Variants in ELOC observed in about 807,000 individuals in gnomAD.
ELOC encodes the protein elongin C.
For missense variants in ELOC, 38 were observed against 139.0 expected (o/e 0.27, Z 3.65); for synonymous variants, 40 against 51.3 (o/e 0.78, Z 0.94).
At position 73,946,735 on chromosome 8, in the gene ELOC, C is replaced by A. The variant is rs370518034; in HGVS notation, c.234G>T (p.Thr78=). Residue 78 remains threonine, a synonymous_variant, in exon 4 of 4, where the codon ACG becomes ACT. Transcript: ENST00000520242. ...HVLSKVCMYF[T]YKVRYTNSST... ...AGCTGTTAGTGTAGCGAACCTTGTA[C>A]GTAAAATACATGCATACTTTCGATA... is the stretch of plus-strand genomic sequence containing the variant. 23 of 1,613,068 alleles carry A rather than the reference C, an allele frequency of 1.4e-5. No homozygotes were observed. The highest frequency in any genetic ancestry group is 1.8e-5 in the Non-Finnish European group (21 of 1,179,662).
In ELOC at chr8:73,946,524, T is replaced by C. The variant is rs534585318; in HGVS notation, c.*106A>G. ...AATCTGCTTTGCAATGAACTTTATA[T>C]AGTTCAACTGCATACAGGCAACATG... On this transcript the variant is annotated 3_prime_UTR_variant, in exon 4 of 4. Transcript: ENST00000520242. The C allele has an allele frequency of 4.8e-6, 4 of 834,038 alleles. No homozygotes were observed. Among genetic ancestry groups the C allele is most frequent in the South Asian group, 2.6e-5 (1 of 37,960 alleles). 51.7% of individuals were successfully genotyped at this position (834,038 alleles called of 1,614,324 possible). A position where few individuals can be genotyped will look rare whatever the true frequency, so the allele number is the denominator to read the frequency against.
At chr8:73,971,599 A>AC (rs958131779) in intron 1 of ELOC, among the ~76,000 whole-genome samples, 10 of 151,842 alleles carry the variant, frequency 6.6e-5, no homozygotes, top group African/African-American at 2.4e-4. Flanking sequence ...GATGCACGAT[A>AC]CCCCCAACTC....
chr8:73,966,488 CTT>C (rs35152858), intron 1 of ELOC, among the ~76,000 whole-genome samples: 25,998 of 141,970 alleles, frequency 0.18, 2,644 homozygotes, highest in Middle Eastern at 0.31. Flanking sequence ...AGCCATGGGT[CTT>C]TTTTTTTTTT....
chr8:73,959,669 C>T (rs905311286), intron 2 of ELOC, 96 bp downstream of exon 2: 3 of 1,077,504 alleles, frequency 2.8e-6, no homozygotes, highest in Non-Finnish European at 4.0e-6. Context: ...TTTCAGTCTA[C>T]TGAAATTTTA....
chr8:73,948,430 C>T (rs1813525094), intron 3 of ELOC, among the ~76,000 whole-genome samples: 1 of 151,902 alleles, frequency 6.6e-6, no homozygotes, highest in African/African-American at 2.4e-5. Context: ...AAAGTCAGGG[C>T]AAATAACAGG....
chr8:73,948,004 C>T (rs921431930), intron 3 of ELOC, among the ~76,000 whole-genome samples: 2 of 152,038 alleles, frequency 1.3e-5, no homozygotes, highest in Non-Finnish European at 2.9e-5. Flanking sequence ...AGCAGCCTGA[C>T]TAACATAGTG....
intron 3 of ELOC, among the ~76,000 whole-genome samples, chr8:73,950,076 T>C (rs1813643522): frequency 6.6e-6 from 1 of 152,132 alleles, no homozygotes; most frequent in South Asian, 2.1e-4. Context: ...TAAATACCAT[T>C]TTCTACTAAA....
chr8:73,959,707 T>C (rs1814463085), intron 2 of ELOC, 58 bp downstream of exon 2: 4 of 1,446,238 alleles, frequency 2.8e-6, no homozygotes, highest in Admixed American at 2.4e-5. Flanking sequence ...TTAAAGATCT[T>C]TGAAACAAAG....
At chr8:73,966,488 C>CT (rs35152858) in intron 1 of ELOC, among the ~76,000 whole-genome samples, 114 of 142,210 alleles carry the variant, frequency 8.0e-4, no homozygotes, top group East Asian at 5.6e-3. Flanking sequence ...AGCCATGGGT[C>CT]TTTTTTTTTT....
chr8:73,945,730 T>A lies in ELOC; in HGVS notation c.*900A>T, dbSNP rs1813342737. The A allele has an allele frequency of 6.6e-6, 1 of 152,058 alleles. No homozygotes were observed. 9.4% of individuals were successfully genotyped at this position (152,058 alleles called of 1,614,324 possible). A position where few individuals can be genotyped will look rare whatever the true frequency, so the allele number is the denominator to read the frequency against. On this transcript the variant is annotated 3_prime_UTR_variant, in exon 4 of 4. Transcript: ENST00000520242. ...ATGATTTTCACTGTATCTCTTCACA[T>A]GTTATTCCATAACATTCTAATTGGA...
Position 73,970,376 on chromosome 8 carries a change from T to C in ELOC, c.-51+1701A>G, listed in dbSNP as rs143073180. Among the ~76,000 whole-genome samples, 32 of 152,368 alleles carry C rather than the reference T, an allele frequency of 2.1e-4. No individual in the cohort carries two copies. In the East Asian group the frequency reaches 6.2e-3, roughly 29 times the overall value. ...TTAAATATCACTTTAGAACTTGATG[T>C]ATAGGACTGACTATAACTTCTGGCT... On this transcript the variant is annotated intron_variant, in intron 1 of 3. Transcript: ENST00000520242.
Position 73,946,719 on chromosome 8 carries a change from T to C in ELOC, c.250A>G (p.Thr84Ala). The C allele has an allele frequency of 6.2e-7, 1 of 1,604,384 alleles. No homozygotes were observed. Among genetic ancestry groups the C allele is most frequent in the Non-Finnish European group, 8.5e-7 (1 of 1,175,358 alleles). ...CMYFTYKVRY[T>A]NSSTEIPEFP... ...TCAGGAATCTCGGTGGAGCTGTTAG[T>C]GTAGCGAACCTTGTACGTAAAATAC... Residue 84 changes from threonine (T) to alanine (A), a missense_variant, in exon 4 of 4, where the codon ACT becomes GCT. Physicochemically the swap from Thr to Ala is moderately conservative, Grantham distance 58 (BLOSUM62 0). Transcript: ENST00000520242.
intron 2 of ELOC, among the ~76,000 whole-genome samples, chr8:73,956,918 G>T (rs1586604490): frequency 1.3e-5 from 2 of 152,136 alleles, no homozygotes; most frequent in East Asian, 3.8e-4. Flanking sequence ...AAGGCGGGTG[G>T]ATCACGACGT....
rs148671864 is a variant in ELOC, at chr8:73,968,497, A to T, written c.-51+3580T>A. On this transcript the variant is annotated intron_variant, in intron 1 of 3. Coordinates refer to ENST00000520242, the MANE Select transcript of ELOC (RefSeq NM_005648.4). ...TTAAAATTATAAGCAGATATTCCCAACATATAATGTGTATTAATCATAGAT... is the reference window on the plus strand; with the variant it reads ...TTAAAATTATAAGCAGATATTCCCATCATATAATGTGTATTAATCATAGAT... 3.3e-5 allele frequency among the ~76,000 whole-genome samples: 5 copies of T among 152,340 alleles called. No individual in the cohort carries two copies. The East Asian group carries it at 9.6e-4, about 29-fold the overall frequency.
chr8:73,969,064 A>G (rs989644464), intron 1 of ELOC, among the ~76,000 whole-genome samples: 1 of 152,222 alleles, frequency 6.6e-6, no homozygotes, highest in Non-Finnish European at 1.5e-5. Context: ...GTTATCATCT[A>G]TAAAATATGA....
At chr8:73,955,035 GAAAAAAAAAAAA>G (rs34453392) in intron 3 of ELOC, among the ~76,000 whole-genome samples, 2 of 62,992 alleles carry the variant, frequency 3.2e-5, no homozygotes, top group Non-Finnish European at 5.7e-5. Flanking sequence ...CTCCATCTCG[GAAAAAAAAAAAA>G]AAAAAAAAAA....
At chr8:73,947,371 C>CA (rs1563668829) in intron 3 of ELOC, among the ~76,000 whole-genome samples, 2 of 151,984 alleles carry the variant, frequency 1.3e-5, no homozygotes, top group Non-Finnish European at 2.9e-5. Context: ...TGGCCATGTA[C>CA]AAGACAAAAA....
chr8:73,947,050 G>A (rs1298103896), intron 3 of ELOC, among the ~76,000 whole-genome samples: 2 of 152,062 alleles, frequency 1.3e-5, no homozygotes, highest in African/African-American at 4.8e-5. Flanking sequence ...GTGCAATGGC[G>A]GGATCTCAGC....
At chr8:73,970,966 G>A (rs1279456988) in intron 1 of ELOC, among the ~76,000 whole-genome samples, 3 of 144,206 alleles carry the variant, frequency 2.1e-5, no homozygotes, top group African/African-American at 5.1e-5. Flanking sequence ...CCCTGGATGC[G>A]GAGGTTGCAG....
Sources: gnomAD v4.1 joint callset for allele counts (sites outside exome capture counted in the v4.1 genomes callset) on GRCh38, gnomAD v4.1.1 for gene constraint, MANE v1.5 for transcripts, NCBI Gene and HGNC (gene_info 2026-07-23, HGNC 2026-07-21) for gene names.